C6orf62: variants seen among roughly 807,000 people sequenced by gnomAD.
C6orf62 encodes the protein chromosome 6 open reading frame 62, also known as uncharacterized protein C6orf62.
Under a neutral mutation model 26.8 loss-of-function variants are expected in C6orf62, and 16 were observed. That is an observed-to-expected ratio of 0.60 (90% confidence interval 0.40 to 0.91). The LOEUF (loss-of-function observed/expected upper bound fraction) is 0.91, where lower values mean the gene tolerates loss of function less well. Among genes scored for constraint, C6orf62 ranks in the 40% least tolerant of loss-of-function variants. C6orf62 has a pLI of 0.00. For synonymous variants in C6orf62, 112 were observed against 91.5 expected, an observed-to-expected ratio of 1.22 and a Z score of -1.28; for missense variants, 192 against 271.4, an observed-to-expected ratio of 0.71 and a Z score of 2.06.
chr6:24,709,030 T>TA, intron 3 of C6orf62, 119 bp from the exon 4 acceptor site: 7 of 1,482,214 alleles, frequency 4.7e-6, no homozygotes, highest in Non-Finnish European at 6.2e-6. Flanking sequence ...TTTTCCTCTT[T>TA]AAAAAAACAA....
intron 3 of C6orf62, among the ~76,000 whole-genome samples, chr6:24,712,206 T>TC (rs1451358824): frequency 1.3e-5 from 2 of 151,192 alleles, no homozygotes; most frequent in African/African-American, 4.9e-5. Flanking sequence ...ATAGCAAAAC[T>TC]CCGTCTCTAC....
chr6:24,718,170 C>T (rs1203800570), intron 1 of C6orf62, among the ~76,000 whole-genome samples: 1 of 152,196 alleles, frequency 6.6e-6, no homozygotes. Context: ...AGTCTGATTA[C>T]AATTTCACAC....
At chr6:24,708,482 C>A (rs1399117632) in intron 4 of C6orf62, among the ~76,000 whole-genome samples, 1 of 152,054 alleles carries the variant, frequency 6.6e-6, no homozygotes, top group Non-Finnish European at 1.5e-5. Context: ...GGACTACAGG[C>A]ACACGCCACC....
intron 2 of C6orf62, 130 bp downstream of exon 2, chr6:24,716,018 C>T: frequency 1.4e-6 from 1 of 695,088 alleles, no homozygotes; most frequent in Admixed American, 2.7e-5. Flanking sequence ...CAACATGGCA[C>T]AAAGACAAAT....
At chr6:24,711,014 A>C (rs944415758) in intron 3 of C6orf62, among the ~76,000 whole-genome samples, 1 of 152,132 alleles carries the variant, frequency 6.6e-6, no homozygotes, top group East Asian at 1.9e-4. Context: ...CAAAACAAAA[A>C]AAACAGCCAT....
At chr6:24,713,400 C>G (rs997941523) in intron 3 of C6orf62, among the ~76,000 whole-genome samples, 4 of 151,962 alleles carry the variant, frequency 2.6e-5, no homozygotes, top group Admixed American at 2.0e-4. Context: ...TACCATGGGG[C>G]GGGAGAGTAT....
In C6orf62 at chr6:24,708,784, T is replaced by G; in HGVS notation, c.557A>C (p.His186Pro). 1 of 1,614,218 alleles carries G rather than the reference T, an allele frequency of 6.2e-7. No individual in the cohort carries two copies. The highest frequency in any genetic ancestry group is 8.5e-7 in the Non-Finnish European group (1 of 1,180,034). Residue 186 changes from histidine (H) to proline (P), a missense_variant, in exon 4 of 5, where the codon CAC (histidine) becomes CCC (proline). Physicochemically the swap from His to Pro is moderately conservative, Grantham distance 77. Coordinates refer to ENST00000378119, the MANE Select transcript of C6orf62 (RefSeq NM_030939.5). ...TTCAAAAAAGCTGCTTACCTGCAAG[T>G]GCTGTCTGTCAATGAAGAGAAACAC... ...QSVFLFIDRQ[H>P]LQTPKNKATI...
chr6:24,720,590 C>T, upstream of C6orf62: 1 of 167,768 alleles, frequency 6.0e-6, no homozygotes, highest in Non-Finnish European at 1.2e-5. Context: ...GGAAGCCCTG[C>T]GCTAAGGGTC....
chr6:24,719,630 G>A (rs760593748), upstream of C6orf62: 30 of 1,433,744 alleles, frequency 2.1e-5, no homozygotes, highest in Non-Finnish European at 2.6e-5. Context: ...TTAATGCCCG[G>A]GTTCCCAACA....
At chr6:24,719,246 A>G, upstream of C6orf62, 1 of 987,306 alleles carries the variant, frequency 1.0e-6, no homozygotes, top group Non-Finnish European at 1.2e-6. Flanking sequence ...ATCCAATTAG[A>G]TTTTACCCAG....
chr6:24,712,616 AAGG>A (rs1779143736), intron 3 of C6orf62, among the ~76,000 whole-genome samples: 2 of 149,028 alleles, frequency 1.3e-5, no homozygotes, highest in South Asian at 2.2e-4. Flanking sequence ...CAGAGGTTGC[AAGG>A]AGGAGGAGGT....
chr6:24,713,849 A>G (rs1779173495), intron 3 of C6orf62, among the ~76,000 whole-genome samples: 1 of 152,242 alleles, frequency 6.6e-6, no homozygotes, highest in African/African-American at 2.4e-5. Flanking sequence ...GTCAAAAGTC[A>G]GCAAGATTTT....
intron 2 of C6orf62, among the ~76,000 whole-genome samples, chr6:24,715,567 C>T (rs1382423543): frequency 6.6e-6 from 1 of 152,130 alleles, no homozygotes; most frequent in Non-Finnish European, 1.5e-5. Flanking sequence ...TGGCTACTGG[C>T]AGGGTGCAGT....
At chr6:24,714,854 G>C (rs1265229101) in intron 2 of C6orf62, among the ~76,000 whole-genome samples, 1 of 152,074 alleles carries the variant, frequency 6.6e-6, no homozygotes, top group African/African-American at 2.4e-5. Context: ...CCTGACCTCA[G>C]GTGATCCACC....
At chr6:24,720,472 G>A (rs950703550), upstream of C6orf62, 25 of 935,278 alleles carry the variant, frequency 2.7e-5, no homozygotes, top group African/African-American at 3.5e-5. Flanking sequence ...GGCAACGGAG[G>A]GGAAGGACGC....
At chr6:24,711,280 A>C (rs1764381660) in intron 3 of C6orf62, among the ~76,000 whole-genome samples, 1 of 151,824 alleles carries the variant, frequency 6.6e-6, no homozygotes, top group Non-Finnish European at 1.5e-5. Context: ...AACTTCTCAT[A>C]AGCAGCATGA....
upstream of C6orf62, chr6:24,720,094 G>A (rs1021237867): frequency 7.7e-7 from 1 of 1,306,902 alleles, no homozygotes; most frequent in Non-Finnish European, 9.8e-7. Flanking sequence ...CCAGAGTTTG[G>A]ATTGTTTAGG....
chr6:24,719,863 C>T (rs1779319045), upstream of C6orf62: 1 of 1,549,998 alleles, frequency 6.5e-7, no homozygotes, highest in African/African-American at 1.4e-5. Context: ...GACTCACTCG[C>T]ACCACGGGAG....
At chr6:24,709,624 G>C in intron 3 of C6orf62, 1 of 985,408 alleles carries the variant, frequency 1.0e-6, no homozygotes, top group Non-Finnish European at 1.2e-6. Flanking sequence ...GTTTTTATGT[G>C]AATTTTTCCC....
Sources: allele counts gnomAD v4.1 joint callset (sites outside exome capture counted in the v4.1 genomes callset), GRCh38; gene constraint gnomAD v4.1.1; transcripts MANE v1.5; gene names NCBI Gene and HGNC (gene_info 2026-07-23, HGNC 2026-07-21).